Variants in DNAH14 observed in about 807,000 individuals in gnomAD.
The protein encoded by DNAH14 is dynein axonemal heavy chain 14.
DNAH14 carries 478 observed loss-of-function variants against 520.9 expected under a neutral mutation model. The observed-to-expected ratio is 0.92, with a 90% CI of 0.85 to 0.99. The LOEUF is 0.99. Among genes scored for constraint, DNAH14 ranks in the 50% least tolerant of loss-of-function variants. The pLI, the probability that DNAH14 is intolerant of heterozygous loss-of-function variation, is 0.00. For synonymous variants in DNAH14, 1,581 were observed against 1,757.2 expected (o/e 0.90, Z 2.51); for missense variants, 4,831 against 5,234.5 (o/e 0.92, Z 2.38).
In DNAH14 at chr1:225,115,035, A is replaced by G. The variant is rs144682396; in HGVS notation, c.3868-2649A>G. Among the ~76,000 whole-genome samples the G allele has an allele frequency of 3.1e-3, 475 of 152,326 alleles. 4 individuals are homozygous for G. The highest frequency in any genetic ancestry group is 7.8e-3 in the African/African-American group (326 of 41,578). ...GCACAATCAGTGGAGGAGTCTATTC[A>G]GCCATCTTGCCTTCCTTATCTTTAA... On this transcript the variant is annotated intron_variant, in intron 23 of 85. Coordinates refer to ENST00000682510, the MANE Select transcript of DNAH14 (RefSeq NM_001367479.1).
At chr1:224,955,710 A>G (rs1297706479) in intron 3 of DNAH14, among the ~76,000 whole-genome samples, 1 of 152,058 alleles carries the variant, frequency 6.6e-6, no homozygotes, top group Admixed American at 6.6e-5. Flanking sequence ...CCACCTCTGG[A>G]GCTCCGCTTC....
chr1:225,130,276 C>G (rs2078245789), intron 27 of DNAH14, among the ~76,000 whole-genome samples: 1 of 152,100 alleles, frequency 6.6e-6, no homozygotes, highest in African/African-American at 2.4e-5. Context: ...CCTCAGAGAT[C>G]TCGAACTAGA....
At chr1:225,294,893 T>C (rs2150028548) in intron 55 of DNAH14, among the ~76,000 whole-genome samples, 1 of 151,918 alleles carries the variant, frequency 6.6e-6, no homozygotes, top group Admixed American at 6.6e-5. Context: ...TTGTTGTTGT[T>C]GTTTGTTTGT....
chr1:225,377,091 T>C, intron 78 of DNAH14, 146 bp from the exon 79 acceptor site: 1 of 643,090 alleles, frequency 1.6e-6, no homozygotes, highest in Non-Finnish European at 2.4e-6. Context: ...CACATGCAAA[T>C]AAGAAAGCCT....
chr1:225,347,509 T>TG (rs2095304833), intron 71 of DNAH14, among the ~76,000 whole-genome samples: 1 of 152,206 alleles, frequency 6.6e-6, no homozygotes, highest in Non-Finnish European at 1.5e-5. Flanking sequence ...TCCAGTGTTC[T>TG]GGCTTGTCTA....
chr1:225,015,788 TC>T (rs1395314876), intron 10 of DNAH14, among the ~76,000 whole-genome samples: 3 of 152,152 alleles, frequency 2.0e-5, no homozygotes, highest in African/African-American at 7.2e-5. Context: ...ATATTTACAC[TC>T]ACCAGACTAT....
chr1:225,364,745 G>C, intron 75 of DNAH14, 47 bp from the exon 76 acceptor site: 1 of 1,354,256 alleles, frequency 7.4e-7, no homozygotes, highest in African/African-American at 1.5e-5. Flanking sequence ...AAACATGTTG[G>C]TTTACATTTT....
At chr1:225,006,444 C>T (rs181790017) in intron 9 of DNAH14, among the ~76,000 whole-genome samples, 262 of 152,182 alleles carry the variant, frequency 1.7e-3, no homozygotes, top group Admixed American at 6.1e-3. Flanking sequence ...GGAGAAATAT[C>T]GCTGAATTCT....
intron 27 of DNAH14, among the ~76,000 whole-genome samples, chr1:225,137,650 A>G (rs1287794761): frequency 6.6e-6 from 1 of 152,100 alleles, no homozygotes; most frequent in African/African-American, 2.4e-5. Context: ...ACCACTGCCT[A>G]GCCTCTGTTT....
intron 8 of DNAH14, among the ~76,000 whole-genome samples, chr1:224,987,393 A>C (rs1480544141): frequency 6.6e-6 from 1 of 152,142 alleles, no homozygotes; most frequent in Non-Finnish European, 1.5e-5. Flanking sequence ...AATGGATTGG[A>C]TGAGGCCTGT....
intron 79 of DNAH14, among the ~76,000 whole-genome samples, chr1:225,379,136 G>C (rs2150735195): frequency 6.6e-6 from 1 of 152,310 alleles, no homozygotes; most frequent in Non-Finnish European, 1.5e-5. Context: ...CACCCGCGGA[G>C]TGTGTGATTA....
At chr1:225,064,440 A>G (rs1377022013) in intron 17 of DNAH14, among the ~76,000 whole-genome samples, 1 of 152,058 alleles carries the variant, frequency 6.6e-6, no homozygotes, top group Admixed American at 6.6e-5. Flanking sequence ...AATGAAAACA[A>G]GTCCACCCAA....
At chr1:225,177,001 C>G (rs2083408301) in intron 36 of DNAH14, among the ~76,000 whole-genome samples, 2 of 152,066 alleles carry the variant, frequency 1.3e-5, no homozygotes, top group Admixed American at 1.3e-4. Context: ...GTTTGGAGGG[C>G]TCAGAAGAAG....
At chr1:225,114,238 C>T (rs2148836939) in intron 23 of DNAH14, among the ~76,000 whole-genome samples, 1 of 152,254 alleles carries the variant, frequency 6.6e-6, no homozygotes, top group African/African-American at 2.4e-5. Context: ...CTGTTCAAGG[C>T]AGCAGGTTCC....
At chr1:225,340,366 C>T in intron 68 of DNAH14, 91 bp from the exon 69 acceptor site, 1 of 1,344,938 alleles carries the variant, frequency 7.4e-7, no homozygotes, top group Non-Finnish European at 9.9e-7. Flanking sequence ...TGTGTACTTC[C>T]AGGAAAAATG....
rs541751360 is a variant in DNAH14 at position 225,224,443 on chromosome 1, C to A, written c.6440-6630C>A. ...GGACTAAAACATTATCTCCCTATAT[C>A]CAGCTAGTTAGTAAAGTCATCTATA... is the stretch of plus-strand genomic sequence containing the variant. On this transcript the variant is annotated intron_variant, in intron 41 of 85. Coordinates refer to ENST00000682510, the MANE Select transcript of DNAH14 (RefSeq NM_001367479.1). Among the ~76,000 whole-genome samples the A allele has an allele frequency of 2.6e-5, 4 of 152,188 alleles. No homozygotes were observed. The East Asian group carries it at 7.7e-4, about 29-fold the overall frequency.
chr1:225,294,304 A>G (rs557971052), intron 55 of DNAH14, among the ~76,000 whole-genome samples: 6 of 152,090 alleles, frequency 3.9e-5, no homozygotes, highest in Non-Finnish European at 5.9e-5. Flanking sequence ...ATAATGGTGT[A>G]TTATCTTTTT....
intron 43 of DNAH14, among the ~76,000 whole-genome samples, chr1:225,245,487 T>G (rs1272392130): frequency 6.6e-6 from 1 of 152,134 alleles, no homozygotes; most frequent in African/African-American, 2.4e-5. Flanking sequence ...CTGAGTCTCT[T>G]CTGCAAAGTC....
At chr1:225,071,400 G>T (rs1442198785) in intron 17 of DNAH14, among the ~76,000 whole-genome samples, 6 of 152,120 alleles carry the variant, frequency 3.9e-5, no homozygotes, top group Non-Finnish European at 1.5e-5. Context: ...CTGAGCATTT[G>T]CTTGTCTGAA....
Sources: gnomAD v4.1 joint callset for allele counts (sites outside exome capture counted in the v4.1 genomes callset) on GRCh38, gnomAD v4.1.1 for gene constraint, MANE v1.5 for transcripts, NCBI Gene and HGNC (gene_info 2026-07-23, HGNC 2026-07-21) for gene names.